Variants in DTX4 observed in about 807,000 individuals in gnomAD.
DTX4 encodes the protein deltex E3 ubiquitin ligase 4, also known as E3 ubiquitin-protein ligase DTX4.
A neutral mutation model predicts 57.6 loss-of-function variants in DTX4; 28 were observed. The observed-to-expected ratio is 0.49, with a 90% confidence interval of 0.36 to 0.67. The LOEUF is 0.67. Ranked by LOEUF, DTX4 falls within the 30% of genes least tolerant of loss-of-function variation. The probability of loss-of-function intolerance (pLI) is 0.00; values close to 1 mark genes in which losing one functional copy is unlikely to be tolerated. For synonymous variants in DTX4, 316 were observed against 331.0 expected, an observed-to-expected ratio of 0.95 and a Z score of 0.49; for missense variants, 715 against 836.8, an observed-to-expected ratio of 0.85 and a Z score of 1.80.
At chr11:59,173,512 G>A (rs1161246995) in intron 1 of DTX4, among the ~76,000 whole-genome samples, 1 of 152,216 alleles carries the variant, frequency 6.6e-6, no homozygotes, top group African/African-American at 2.4e-5. Flanking sequence ...GAGAGAGGAG[G>A]GGGAGGCTCG....
chr11:59,194,205 T>C (rs967167217), intron 6 of DTX4, among the ~76,000 whole-genome samples: 17 of 152,158 alleles, frequency 1.1e-4, no homozygotes, highest in African/African-American at 4.1e-4. Flanking sequence ...TGTGCCTCGA[T>C]TTTCCTCTCT....
chr11:59,201,643 G>A (rs1476147420), intron 8 of DTX4, among the ~76,000 whole-genome samples: 1 of 152,220 alleles, frequency 6.6e-6, no homozygotes, highest in Non-Finnish European at 1.5e-5. Context: ...AGGTATTTTG[G>A]AAGAAATAGA....
At position 59,174,734 on chromosome 11, in the gene DTX4, T is replaced by G. The variant is rs143527367; in HGVS notation, c.211+1928T>G. 2.0e-5 allele frequency among the ~76,000 whole-genome samples: 3 copies of G among 152,146 alleles called. No individual in the cohort carries two copies. The East Asian group carries it at 5.8e-4, about 29-fold the overall frequency. On this transcript the variant is annotated intron_variant, in intron 1 of 8. Transcript: ENST00000227451. ...CTGGGTGGAAGGAAAGAAGCTACGT[T>G]TCCCAGGTCTGATCACTCTTACCTG... is the stretch of plus-strand genomic sequence containing the variant.
At chr11:59,176,220 T>G (rs1448487743) in intron 1 of DTX4, among the ~76,000 whole-genome samples, 1 of 152,206 alleles carries the variant, frequency 6.6e-6, no homozygotes, top group Non-Finnish European at 1.5e-5. Context: ...GAGGCAGGCA[T>G]CATGATGACC....
At chr11:59,173,939 A>C (rs1862362063) in intron 1 of DTX4, among the ~76,000 whole-genome samples, 1 of 152,126 alleles carries the variant, frequency 6.6e-6, no homozygotes, top group Non-Finnish European at 1.5e-5. Flanking sequence ...CCAAGAGTGC[A>C]ACCGAGGAGC....
intron 6 of DTX4, 100 bp from the exon 7 acceptor site, chr11:59,195,108 G>A (rs372751277): frequency 2.4e-6 from 3 of 1,258,090 alleles, no homozygotes; most frequent in Non-Finnish European, 3.5e-6. Flanking sequence ...GGTGCATTTT[G>A]TTCCCCTGGC....
In DTX4 at chr11:59,202,690, C is replaced by T. The variant is rs76407122; in HGVS notation, c.1627-1986C>T. On this transcript the variant is annotated intron_variant, in intron 8 of 8. Coordinates refer to ENST00000227451, the MANE Select transcript of DTX4 (RefSeq NM_015177.2). The stretch of plus-strand genomic sequence containing the variant: ...CCTGAAATCAATCCCTTAACCCCAC[C>T]GCCCCTAGCCACTTACTAGCTATAA... Among the ~76,000 whole-genome samples, 236 of 152,274 alleles carry T rather than the reference C, an allele frequency of 1.5e-3. 1 individual carries two copies. The highest frequency in any genetic ancestry group is 5.4e-3 in the African/African-American group (223 of 41,562).
Position 59,182,183 on chromosome 11 carries a change from A to C in DTX4, c.656A>C (p.Lys219Thr). 1 of 1,612,734 alleles carries C rather than the reference A, an allele frequency of 6.2e-7. No homozygotes were observed. The highest frequency in any genetic ancestry group is 8.5e-7 in the Non-Finnish European group (1 of 1,179,446). The change falls in exon 2 of 9, where the codon AAG (lysine) becomes ACG (threonine). Residue 219 changes from lysine (K) to threonine (T), a missense_variant. Transcript: ENST00000227451. Reference protein sequence around the residue: ...TGPLQLPVTRKNMPPPGVVKL... With the variant: ...TGPLQLPVTRTNMPPPGVVKL... ...CCCCTACAGCTGCCAGTGACCCGCA[A>C]GAACATGCCGCCTCCTGGAGTGGTC...
chr11:59,181,600 C>T (rs1474516400), intron 1 of DTX4, 139 bp from the exon 2 acceptor site: 3 of 1,240,966 alleles, frequency 2.4e-6, no homozygotes, highest in Non-Finnish European at 3.3e-6. Context: ...AAAGCTGGCA[C>T]TTCAGGCAGT....
At chr11:59,203,186 A>G (rs1862760319) in intron 8 of DTX4, among the ~76,000 whole-genome samples, 1 of 152,200 alleles carries the variant, frequency 6.6e-6, no homozygotes, top group Admixed American at 6.5e-5. Context: ...AAACTACACT[A>G]AATTTATTAA....
intron 1 of DTX4, among the ~76,000 whole-genome samples, chr11:59,173,046 G>C (rs1862348222): frequency 6.6e-6 from 1 of 152,160 alleles, no homozygotes; most frequent in African/African-American, 2.4e-5. Context: ...CTTCAACCTA[G>C]TCGGTAACAA....
chr11:59,178,964 G>C (rs1214994859), intron 1 of DTX4, among the ~76,000 whole-genome samples: 1 of 151,626 alleles, frequency 6.6e-6, no homozygotes, highest in East Asian at 1.9e-4. Flanking sequence ...AACCTAGAAA[G>C]GTATATTATA....
At chr11:59,185,991 G>A (rs554562160) in intron 2 of DTX4, among the ~76,000 whole-genome samples, 1 of 152,284 alleles carries the variant, frequency 6.6e-6, no homozygotes, top group Admixed American at 6.5e-5. Flanking sequence ...GCAGGTCAGT[G>A]CTGAGCGGGG....
rs1308070629 is a variant in DTX4 at position 59,206,945 on chromosome 11, C to T, written c.*2036C>T. 6.6e-6 allele frequency: 1 copy of T among 152,448 alleles called. No individual in the cohort carries two copies. Among genetic ancestry groups the T allele is most frequent in the African/African-American group, 2.4e-5 (1 of 41,444 alleles). 9.4% of individuals were successfully genotyped at this position (152,448 alleles called of 1,614,324 possible). On this transcript the variant is annotated 3_prime_UTR_variant, in exon 9 of 9. Coordinates refer to ENST00000227451, the MANE Select transcript of DTX4 (RefSeq NM_015177.2). ...GGTTACTGCACCACAGGGCAATTTC[C>T]TGCCATAGTTAGGAAGGAAACACCT...
At chr11:59,199,901 T>C in intron 8 of DTX4, 128 bp downstream of exon 8, 3 of 753,780 alleles carry the variant, frequency 4.0e-6, no homozygotes, top group Non-Finnish European at 4.3e-6. Flanking sequence ...CTTTTAAGTC[T>C]AGATGCACAC....
chr11:59,199,275 A>G lies in DTX4; in HGVS notation c.1537-409A>G, dbSNP rs1215023250. Among the ~76,000 whole-genome samples the G allele has an allele frequency of 2.6e-5, 4 of 152,326 alleles. No homozygotes were observed. In the East Asian group the frequency reaches 7.7e-4, roughly 29 times the overall value. The stretch of plus-strand genomic sequence containing the variant: ...TACAGAAGCCACATATCTTCTCTGC[A>G]CTGCAGATTTCTTCTTTTGTAAGAC... On this transcript the variant is annotated intron_variant, in intron 7 of 8. Transcript: ENST00000227451.
intron 8 of DTX4, among the ~76,000 whole-genome samples, chr11:59,203,769 C>G (rs1862767245): frequency 6.6e-6 from 1 of 152,226 alleles, no homozygotes; most frequent in African/African-American, 2.4e-5. Context: ...CAAAATGTCA[C>G]TATGTGTGGC....
At chr11:59,198,767 G>T (rs1037420723) in intron 7 of DTX4, among the ~76,000 whole-genome samples, 1 of 152,172 alleles carries the variant, frequency 6.6e-6, no homozygotes, top group Non-Finnish European at 1.5e-5. Context: ...TCTAGAAGGG[G>T]TTTTTAAAGA....
intron 7 of DTX4, among the ~76,000 whole-genome samples, chr11:59,197,431 A>T (rs777736852): frequency 2.6e-5 from 4 of 152,136 alleles, no homozygotes; most frequent in African/African-American, 4.8e-5. Flanking sequence ...AGAGGGAGGA[A>T]GCATGAAGGA....
Sources: gnomAD v4.1 joint callset for allele counts (sites outside exome capture counted in the v4.1 genomes callset) on GRCh38, gnomAD v4.1.1 for gene constraint, MANE v1.5 for transcripts, NCBI Gene and HGNC (gene_info 2026-07-23, HGNC 2026-07-21) for gene names.